SAYSD1: variants seen among roughly 807,000 people sequenced by gnomAD.
The protein encoded by SAYSD1 is SAYSvFN domain-containing protein 1.
A neutral mutation model predicts 14.5 loss-of-function variants in SAYSD1; 15 were observed. That is an observed-to-expected ratio of 1.03 (90% CI 0.69 to 1.59). SAYSD1 has a LOEUF of 1.59. Among genes scored for constraint, SAYSD1 ranks in the 40% most tolerant of loss-of-function variants. The pLI is 0.00. For missense variants in SAYSD1, 247 were observed against 227.3 expected (o/e 1.09, Z -0.56); for synonymous variants, 105 against 102.6 (o/e 1.02, Z -0.14).
intron 1 of SAYSD1, among the ~76,000 whole-genome samples, chr6:39,108,692 GT>G (rs1769551475): frequency 6.6e-6 from 1 of 151,974 alleles, no homozygotes; most frequent in Non-Finnish European, 1.5e-5. Context: ...ATATCACTTG[GT>G]TGACCCCTCC....
chr6:39,104,907 A>G lies in SAYSD1; in HGVS notation c.*525T>C, dbSNP rs1299254170. On this transcript the variant is annotated 3_prime_UTR_variant, in exon 2 of 2. Transcript: ENST00000229903. ...TCTGAAGAGGAGATGTTTTAAAGAT[A>G]TTTTATTTTTCAATACCAGTAATGA... 6.5e-6 allele frequency: 1 copy of G among 153,306 alleles called. No homozygotes were observed. The highest frequency in any genetic ancestry group is 2.4e-5 in the African/African-American group (1 of 41,304). The allele number at this position is 153,306 out of a possible 1,614,324, so 9.5% of individuals were successfully genotyped here. A position where few individuals can be genotyped will look rare whatever the true frequency, so the allele number is the denominator to read the frequency against.
chr6:39,110,031 C>T (rs1434116273), intron 1 of SAYSD1, among the ~76,000 whole-genome samples: 2 of 152,162 alleles, frequency 1.3e-5, no homozygotes, highest in Non-Finnish European at 2.9e-5. Context: ...TCATCCACTT[C>T]TGTCGTGGAA....
rs1562026978 is a variant in SAYSD1, at chr6:39,105,484, G to A, written c.500C>T (p.Thr167Ile). ...PGCEAIQGTL[T>I]AEQLERELQL... ...TAACTCGCGCTCCAACTGCTCTGCA[G>A]TCAGGGTGCCCTGGATGGCTTCACA... is the stretch of plus-strand genomic sequence containing the variant. The change falls in exon 2 of 2, where the codon ACT becomes ATT. Residue 167 changes from threonine (T) to isoleucine (I), a missense_variant. Physicochemically the swap from Thr to Ile is moderately conservative, Grantham distance 89. Transcript: ENST00000229903. 1 of 1,614,248 alleles carries A rather than the reference G, an allele frequency of 6.2e-7. No individual in the cohort carries two copies. Among genetic ancestry groups the A allele is most frequent in the Non-Finnish European group, 8.5e-7 (1 of 1,180,048 alleles).
Position 39,105,511 on chromosome 6 carries a change from C to G in SAYSD1, c.473G>C (p.Gly158Ala), listed in dbSNP as rs1769481797. 2 of 1,614,100 alleles carry G rather than the reference C, an allele frequency of 1.2e-6. No individual in the cohort carries two copies. Among genetic ancestry groups the G allele is most frequent in the Non-Finnish European group, 1.7e-6 (2 of 1,180,050 alleles). The part of the protein sequence containing the change: ...EKSAYSVFNP[G>A]CEAIQGTLTA... ...CAGGGTGCCCTGGATGGCTTCACAG[C>G]CTGGATTGAACACAGAGTAGGCGCT... is the stretch of plus-strand genomic sequence containing the variant. Residue 158 changes from glycine (G) to alanine (A), a missense_variant, in exon 2 of 2, where the codon GGC (glycine) becomes GCC (alanine). Gly to Ala is a moderately conservative substitution (Grantham distance 60). Transcript: ENST00000229903.
rs1434686204 is a variant in SAYSD1 at position 39,114,900 on chromosome 6, G to T, written c.190C>A (p.Gln64Lys). 6.2e-7 allele frequency: 1 copy of T among 1,612,486 alleles called. No homozygotes were observed. Among genetic ancestry groups the T allele is most frequent in the Non-Finnish European group, 8.5e-7 (1 of 1,179,860 alleles). ...CGTCTCACCTGAACTAGGCCGGGCT[G>T]GGCCCGGGCACTCGCGGGCCTAGGT... ...WKPRPASARA[Q>K]PGLVQEAAQP... The change falls in exon 1 of 2, where the codon CAG becomes AAG. Residue 64 changes from glutamine to lysine, a missense_variant. Coordinates refer to ENST00000229903, the MANE Select transcript of SAYSD1 (RefSeq NM_018322.3).
At chr6:39,106,399 C>T (rs551952082) in intron 1 of SAYSD1, among the ~76,000 whole-genome samples, 11 of 151,984 alleles carry the variant, frequency 7.2e-5, no homozygotes, top group Admixed American at 7.2e-4. Context: ...TGGTGGCACA[C>T]GACTGTAATC....
At position 39,108,323 on chromosome 6, in the gene SAYSD1, C is replaced by T. The variant is rs1278088996; in HGVS notation, c.208-2547G>A. Among the ~76,000 whole-genome samples the T allele has an allele frequency of 2.7e-5, 4 of 146,570 alleles. No homozygotes were observed. The East Asian group carries it at 6.2e-4, about 23-fold the overall frequency. On this transcript the variant is annotated intron_variant, in intron 1 of 1. Coordinates refer to ENST00000229903, the MANE Select transcript of SAYSD1 (RefSeq NM_018322.3). Reference sequence around the variant, plus strand: ...TGATAGGCAGAGATGAGGTCAGTCTCGGATCCTAGGATGGTCTCCTCCAAA... The same window carrying T: ...TGATAGGCAGAGATGAGGTCAGTCTTGGATCCTAGGATGGTCTCCTCCAAA...
chr6:39,113,651 T>C (rs1289397782), intron 1 of SAYSD1: 1 of 152,620 alleles, frequency 6.6e-6, no homozygotes, highest in Non-Finnish European at 1.5e-5. Flanking sequence ...TCCACCTCAA[T>C]GATCTCATTC....
At chr6:39,110,374 C>A in intron 1 of SAYSD1, 1 of 208,196 alleles carries the variant, frequency 4.8e-6, no homozygotes, top group South Asian at 1.0e-4. Context: ...TGGAAGTGGT[C>A]ACTCTCCAGG....
At chr6:39,114,128 C>A (rs114771787) in intron 1 of SAYSD1, among the ~76,000 whole-genome samples, 29 of 152,354 alleles carry the variant, frequency 1.9e-4, no homozygotes, top group Admixed American at 9.1e-4. Flanking sequence ...ACAAAGCACT[C>A]ATCCCTTGAT....
chr6:39,111,583 G>C (rs1170320388), intron 1 of SAYSD1: 1 of 152,198 alleles, frequency 6.6e-6, no homozygotes, highest in Non-Finnish European at 1.5e-5. Flanking sequence ...CTCATTTAGA[G>C]ATGAACCTGA....
At chr6:39,109,828 T>G (rs759261073) in intron 1 of SAYSD1, among the ~76,000 whole-genome samples, 2 of 152,194 alleles carry the variant, frequency 1.3e-5, no homozygotes, top group Non-Finnish European at 2.9e-5. Flanking sequence ...TCTTTATCCC[T>G]TCAGCTGTGG....
chr6:39,111,057 A>T (rs1025629985), intron 1 of SAYSD1: 14 of 152,198 alleles, frequency 9.2e-5, no homozygotes, highest in Non-Finnish European at 1.9e-4. Context: ...CTGTGTGTTG[A>T]CTCATGGCCT....
In SAYSD1 at chr6:39,105,414, T is replaced by G. The variant is rs754893850; in HGVS notation, c.*18A>C. On this transcript the variant is annotated 3_prime_UTR_variant, in exon 2 of 2. Transcript: ENST00000229903. ...AAGACCACATCAGAGGTTAGCTGCA[T>G]GACAGCACAGCTGGGTCCTATCTCC... 1 of 1,607,806 alleles carries G rather than the reference T, an allele frequency of 6.2e-7. No homozygotes were observed. Among genetic ancestry groups the G allele is most frequent in the Admixed American group, 1.7e-5 (1 of 59,878 alleles).
intron 1 of SAYSD1, 40 bp from the exon 2 acceptor site, chr6:39,105,816 A>G (rs1036314031): frequency 2.5e-6 from 4 of 1,580,288 alleles, no homozygotes; most frequent in Non-Finnish European, 3.5e-6. Context: ...ATAAAGGGTA[A>G]TGGAGCTGAG....
At chr6:39,109,177 G>C (rs1769576263) in intron 1 of SAYSD1, 3 of 857,368 alleles carry the variant, frequency 3.5e-6, no homozygotes, top group Admixed American at 2.1e-5. Context: ...AGGCCAGCCT[G>C]AGCCAAGGCC....
At chr6:39,112,559 G>A (rs994547159) in intron 1 of SAYSD1, 3 of 152,228 alleles carry the variant, frequency 2.0e-5, no homozygotes, top group African/African-American at 7.2e-5. Context: ...TCCGAAGCTC[G>A]AATTCAATAC....
At chr6:39,109,520 G>A in intron 1 of SAYSD1, 1 of 1,454,778 alleles carries the variant, frequency 6.9e-7, no homozygotes, top group Non-Finnish European at 9.0e-7. Context: ...CCCAAATGGA[G>A]GCCGCAGTGG....
intron 1 of SAYSD1, among the ~76,000 whole-genome samples, chr6:39,108,601 A>G (rs1241217983): frequency 1.3e-5 from 2 of 152,144 alleles, no homozygotes; most frequent in African/African-American, 4.8e-5. Flanking sequence ...AGGCACTGCC[A>G]TTCCTCAAAT....
Sources: allele counts gnomAD v4.1 joint callset (sites outside exome capture counted in the v4.1 genomes callset), GRCh38; gene constraint gnomAD v4.1.1; transcripts MANE v1.5; gene names NCBI Gene and HGNC (gene_info 2026-07-23, HGNC 2026-07-21).